FLI1: variants seen among roughly 807,000 people sequenced by gnomAD.
The protein encoded by FLI1 is Friend leukemia integration 1 transcription factor.
FLI1 carries 13 observed loss-of-function variants against 53.1 expected under a neutral mutation model. That is an observed-to-expected ratio of 0.24 (90% CI 0.16 to 0.39). The LOEUF (loss-of-function observed/expected upper bound fraction) is 0.39, where lower values mean the gene tolerates loss of function less well. Among genes scored for constraint, FLI1 ranks in the 10% least tolerant of loss-of-function variants. The pLI is 1.00. For synonymous variants in FLI1, 244 were observed against 236.7 expected, an observed-to-expected ratio of 1.03 and a Z score of -0.28; for missense variants, 424 against 600.5, an observed-to-expected ratio of 0.71 and a Z score of 3.07.
intron 1 of FLI1, among the ~76,000 whole-genome samples, chr11:128,702,291 A>G (rs1194300270): frequency 6.6e-6 from 1 of 152,246 alleles, no homozygotes; most frequent in Non-Finnish European, 1.5e-5. Flanking sequence ...CCAGGCTTTG[A>G]GAGAGTAGAC....
chr11:128,731,645 G>A (rs1447054154), intron 1 of FLI1, among the ~76,000 whole-genome samples: 1 of 152,184 alleles, frequency 6.6e-6, no homozygotes, highest in Non-Finnish European at 1.5e-5. Flanking sequence ...GTGCTGAAAA[G>A]CCATCATGCT....
At chr11:128,775,117 T>C (rs1263579080) in intron 4 of FLI1, among the ~76,000 whole-genome samples, 3 of 152,204 alleles carry the variant, frequency 2.0e-5, no homozygotes, top group Admixed American at 2.0e-4. Flanking sequence ...GGAATCCAGC[T>C]TGTATACTGA....
At chr11:128,748,510 G>A (rs1020082308) in intron 1 of FLI1, among the ~76,000 whole-genome samples, 7 of 152,240 alleles carry the variant, frequency 4.6e-5, no homozygotes, top group African/African-American at 1.7e-4. Context: ...GTGGGCGCCT[G>A]TAATCCCAGC....
intron 3 of FLI1, among the ~76,000 whole-genome samples, chr11:128,768,917 C>T (rs764918919): frequency 6.6e-6 from 1 of 152,194 alleles, no homozygotes; most frequent in Non-Finnish European, 1.5e-5. Context: ...TGGATGTGGG[C>T]ATCCCTGCCT....
At chr11:128,764,701 A>G in intron 2 of FLI1, 2 of 1,547,556 alleles carry the variant, frequency 1.3e-6, no homozygotes, top group Non-Finnish European at 1.7e-6. Flanking sequence ...CTTCACCTGT[A>G]CCCACCCTGA....
intron 1 of FLI1, among the ~76,000 whole-genome samples, chr11:128,747,351 G>T (rs1236106402): frequency 1.3e-5 from 2 of 152,200 alleles, no homozygotes; most frequent in African/African-American, 2.4e-5. Context: ...AGAGTCCCAG[G>T]GAAAAGTATG....
At chr11:128,749,962 G>T (rs1206000536) in intron 1 of FLI1, among the ~76,000 whole-genome samples, 1 of 152,228 alleles carries the variant, frequency 6.6e-6, no homozygotes, top group Non-Finnish European at 1.5e-5. Context: ...CACCCCCACT[G>T]CTGCAGAGCC....
intron 1 of FLI1, among the ~76,000 whole-genome samples, chr11:128,707,285 A>G (rs1284342402): frequency 4.5e-4 from 69 of 152,212 alleles, no homozygotes; most frequent in Non-Finnish European, 4.4e-5. Context: ...CTGCCTGTAG[A>G]GAACCATGCT....
intron 1 of FLI1, among the ~76,000 whole-genome samples, chr11:128,713,628 A>G (rs1434645844): frequency 1.3e-5 from 2 of 152,048 alleles, no homozygotes; most frequent in Non-Finnish European, 2.9e-5. Flanking sequence ...AAAAAAAAAA[A>G]CAGTTATTGA....
Position 128,812,743 on chromosome 11 carries a change from G to A in FLI1, c.*1755G>A. 1 of 217,380 alleles carries A rather than the reference G, an allele frequency of 4.6e-6. No homozygotes were observed. The highest frequency in any genetic ancestry group is 9.3e-6 in the Non-Finnish European group (1 of 107,784). 13.5% of individuals were successfully genotyped at this position (217,380 alleles called of 1,614,324 possible). On this transcript the variant is annotated 3_prime_UTR_variant, in exon 9 of 9. Coordinates refer to ENST00000527786, the MANE Select transcript of FLI1 (RefSeq NM_002017.5). ...GAGATTTAACTCTGCAGCCTCCCCT[G>A]GGCACTTCAGACCCAGACGGCCACC...
intron 3 of FLI1, among the ~76,000 whole-genome samples, chr11:128,768,726 C>G (rs1489757060): frequency 6.7e-6 from 1 of 149,022 alleles, no homozygotes; most frequent in African/African-American, 2.5e-5. Flanking sequence ...CACATTTTAC[C>G]TGACTTCCTA....
At chr11:128,787,320 A>G (rs187818915) in intron 5 of FLI1, among the ~76,000 whole-genome samples, 1 of 152,188 alleles carries the variant, frequency 6.6e-6, no homozygotes, top group African/African-American at 2.4e-5. Context: ...AGATAATGAA[A>G]ACAAGGCACA....
intron 4 of FLI1, among the ~76,000 whole-genome samples, chr11:128,780,009 T>C (rs1384360863): frequency 6.6e-6 from 1 of 152,208 alleles, no homozygotes; most frequent in Non-Finnish European, 1.5e-5. Context: ...ACAGTAAAAA[T>C]ACACTATTAC....
intron 5 of FLI1, among the ~76,000 whole-genome samples, chr11:128,787,021 A>AT (rs1942107699): frequency 6.6e-6 from 1 of 152,184 alleles, no homozygotes; most frequent in African/African-American, 2.4e-5. Context: ...TGGCTGATGG[A>AT]TAAAAAGTCT....
At chr11:128,809,783 C>T (rs575566805) in intron 8 of FLI1, among the ~76,000 whole-genome samples, 3 of 152,282 alleles carry the variant, frequency 2.0e-5, no homozygotes, top group Admixed American at 6.5e-5. Flanking sequence ...CGCAGTGTGG[C>T]CCACTCACCT....
chr11:128,790,230 T>C lies in FLI1; in HGVS notation c.655+8207T>C, dbSNP rs140203950. Among the ~76,000 whole-genome samples the C allele has an allele frequency of 1.0e-3, 157 of 151,718 alleles. 1 individual carries two copies. The East Asian group carries it at 0.025, about 24-fold the overall frequency. On this transcript the variant is annotated intron_variant, in intron 5 of 8. Transcript: ENST00000527786. ...GAGTTAATGTTCTGTCTGCTTTCTATCTGACCCTCTTCGGAGAGTTGCATT... is the reference window on the plus strand; with the variant it reads ...GAGTTAATGTTCTGTCTGCTTTCTACCTGACCCTCTTCGGAGAGTTGCATT...
At chr11:128,689,384 G>A (rs1266470463), upstream of FLI1, among the ~76,000 whole-genome samples, 4 of 152,110 alleles carry the variant, frequency 2.6e-5, no homozygotes, top group East Asian at 5.8e-4. Flanking sequence ...GACTGGCAGG[G>A]TCCTCCTTTT....
intron 5 of FLI1, among the ~76,000 whole-genome samples, chr11:128,791,709 C>G (rs1942278571): frequency 6.6e-6 from 1 of 152,292 alleles, no homozygotes; most frequent in East Asian, 1.9e-4. Context: ...CCTACCCTGC[C>G]CTAAATTTCC....
intron 1 of FLI1, among the ~76,000 whole-genome samples, chr11:128,697,371 C>T (rs554876148): frequency 1.6e-4 from 24 of 152,270 alleles, no homozygotes; most frequent in African/African-American, 5.3e-4. Flanking sequence ...TCAGAAAGCC[C>T]GGGTTCATTC....
Sources: allele counts gnomAD v4.1 joint callset (sites outside exome capture counted in the v4.1 genomes callset), GRCh38; gene constraint gnomAD v4.1.1; transcripts MANE v1.5; gene names NCBI Gene and HGNC (gene_info 2026-07-23, HGNC 2026-07-21).